ROBO2: variants seen among roughly 807,000 people sequenced by gnomAD.
ROBO2 encodes roundabout guidance receptor 2, also known as roundabout homolog 2.
In ROBO2, 53 loss-of-function variants were observed where a neutral mutation model predicts 160.8. That is an observed-to-expected ratio of 0.33 (90% CI 0.26 to 0.41). ROBO2 has a LOEUF of 0.41. Among genes scored for constraint, ROBO2 ranks in the 10% least tolerant of loss-of-function variants. ROBO2 has a pLI of 1.00. For synonymous variants in ROBO2, 664 were observed against 611.7 expected (o/e 1.09, Z -1.26); for missense variants, 1,577 against 1,722.4 (o/e 0.92, Z 1.49).
chr3:77,404,010 A>G (rs1419600951), intron 2 of ROBO2, among the ~76,000 whole-genome samples: 1 of 152,164 alleles, frequency 6.6e-6, no homozygotes, highest in Non-Finnish European at 1.5e-5. Context: ...ACCAGCATCC[A>G]GTTAAAGGTA....
At chr3:76,513,662 T>A (rs9809958) in intron 2 of ROBO2, among the ~76,000 whole-genome samples, 9,601 of 152,282 alleles carry the variant, frequency 0.063, 948 homozygotes, top group African/African-American at 0.21. Flanking sequence ...CATTATTTAA[T>A]TTTGTCTTAA....
chr3:75,978,940 C>T (rs2065204341), intron 2 of ROBO2, among the ~76,000 whole-genome samples: 1 of 151,362 alleles, frequency 6.6e-6, no homozygotes, highest in Non-Finnish European at 1.5e-5. Flanking sequence ...TCTCCCTCCA[C>T]CATGAGATCA....
chr3:76,740,873 A>G lies in ROBO2; in HGVS notation c.110-357141A>G, dbSNP rs563929268. ...TTTTAAAAGCTAATTAAATAACTGCATGAGCAAAAATAGTTATTCTGTTTT... is the reference window on the plus strand; with the variant it reads ...TTTTAAAAGCTAATTAAATAACTGCGTGAGCAAAAATAGTTATTCTGTTTT... On this transcript the variant is annotated intron_variant, in intron 2 of 26. Coordinates refer to the ROBO2 transcript ENST00000487694. Among the ~76,000 whole-genome samples the G allele has an allele frequency of 6.6e-4, 101 of 152,234 alleles. 1 individual carries two copies. Among genetic ancestry groups the G allele is most frequent in the Middle Eastern group, 6.8e-3 (2 of 294 alleles).
chr3:76,523,986 ATGTG>A (rs67480680), intron 2 of ROBO2, among the ~76,000 whole-genome samples: 56,425 of 149,314 alleles, frequency 0.38, 12,688 homozygotes, highest in Non-Finnish European at 0.51. Context: ...GTGTGTGTGT[ATGTG>A]TGTGTGTGTG....
intron 2 of ROBO2, among the ~76,000 whole-genome samples, chr3:76,664,573 C>A (rs2091951020): frequency 6.6e-6 from 1 of 152,108 alleles, no homozygotes; most frequent in Admixed American, 6.5e-5. Flanking sequence ...AAAACTTATA[C>A]CTTTGTTATG....
intron 2 of ROBO2, among the ~76,000 whole-genome samples, chr3:76,458,416 A>G (rs1352973897): frequency 6.6e-6 from 1 of 152,082 alleles, no homozygotes; most frequent in African/African-American, 2.4e-5. Flanking sequence ...CTCAGCCTGG[A>G]CCTTATTGTC....
At chr3:76,461,475 A>G (rs899567441) in intron 2 of ROBO2, among the ~76,000 whole-genome samples, 7 of 152,232 alleles carry the variant, frequency 4.6e-5, no homozygotes, top group African/African-American at 1.4e-4. Flanking sequence ...AAATTACTGT[A>G]TCACACAATG....
At chr3:77,344,497 G>T (rs2067414655) in intron 2 of ROBO2, among the ~76,000 whole-genome samples, 3 of 152,146 alleles carry the variant, frequency 2.0e-5, no homozygotes, top group Admixed American at 2.0e-4. Flanking sequence ...AAGCTCTCTA[G>T]TCCCTTCTAC....
intron 1 of ROBO2, among the ~76,000 whole-genome samples, chr3:77,080,013 T>A (rs2068465881): frequency 6.6e-6 from 1 of 152,208 alleles, no homozygotes; most frequent in African/African-American, 2.4e-5. Flanking sequence ...TCGCTCCGTG[T>A]TTGTGAACTG....
At chr3:77,513,441 G>A (rs1245895788) in intron 5 of ROBO2, among the ~76,000 whole-genome samples, 1 of 151,812 alleles carries the variant, frequency 6.6e-6, no homozygotes, top group African/African-American at 2.4e-5. Flanking sequence ...AGGTAGGAAA[G>A]CAGGTATGTT....
intron 2 of ROBO2, among the ~76,000 whole-genome samples, chr3:76,866,989 T>C (rs185146768): frequency 1.2e-3 from 178 of 152,268 alleles, no homozygotes; most frequent in African/African-American, 4.1e-3. Context: ...ACTTAGAATA[T>C]GCAGTGAACC....
In ROBO2 at chr3:76,907,291, C is replaced by T. The variant is rs114972860; in HGVS notation, c.110-190723C>T. Among the ~76,000 whole-genome samples the T allele has an allele frequency of 5.5e-3, 838 of 152,234 alleles. 7 individuals are homozygous for T. The highest frequency in any genetic ancestry group is 0.018 in the African/African-American group (766 of 41,552). ...CATCAATGTCCTTATTTGTTTAACACGTTAATTTTTAAGTTAATTGGATGC... is the reference window on the plus strand; with the variant it reads ...CATCAATGTCCTTATTTGTTTAACATGTTAATTTTTAAGTTAATTGGATGC... On this transcript the variant is annotated intron_variant, in intron 2 of 26. Transcript: ENST00000487694.
At chr3:76,215,582 A>C (rs1319713477) in intron 2 of ROBO2, among the ~76,000 whole-genome samples, 2 of 152,166 alleles carry the variant, frequency 1.3e-5, no homozygotes, top group Non-Finnish European at 2.9e-5. Flanking sequence ...GAAATGAATG[A>C]AATGAAGCGT....
intron 2 of ROBO2, among the ~76,000 whole-genome samples, chr3:76,251,265 A>T (rs1214255100): frequency 1.3e-5 from 2 of 149,854 alleles, no homozygotes; most frequent in Middle Eastern, 3.5e-3. Flanking sequence ...AAGTAAAAAG[A>T]AAAAAAAAAT....
intron 1 of ROBO2, among the ~76,000 whole-genome samples, chr3:77,068,312 A>G (rs1050961422): frequency 6.6e-6 from 1 of 152,156 alleles, no homozygotes; most frequent in African/African-American, 2.4e-5. Flanking sequence ...TTGAAAGGAA[A>G]TAAAACTAAG....
chr3:75,983,463 G>T (rs1277210431), intron 2 of ROBO2, among the ~76,000 whole-genome samples: 1 of 151,244 alleles, frequency 6.6e-6, no homozygotes, highest in Non-Finnish European at 1.5e-5. Context: ...TGTGGTGTAC[G>T]TTTCTCTTTA....
chr3:76,064,844 G>A (rs1241653865), intron 2 of ROBO2, among the ~76,000 whole-genome samples: 1 of 152,050 alleles, frequency 6.6e-6, no homozygotes, highest in Non-Finnish European at 1.5e-5. Flanking sequence ...AAAGGTGTAT[G>A]GCCTAATAAT....
chr3:76,059,501 G>GT (rs1339702283), intron 2 of ROBO2, among the ~76,000 whole-genome samples: 1 of 151,786 alleles, frequency 6.6e-6, no homozygotes, highest in Admixed American at 6.6e-5. Context: ...GGGGTTGTTT[G>GT]TTTTTTTCTT....
chr3:76,341,452 G>T (rs893783311), intron 2 of ROBO2, among the ~76,000 whole-genome samples: 3 of 138,650 alleles, frequency 2.2e-5, no homozygotes, highest in Admixed American at 7.2e-5. Context: ...GGAAAAATAT[G>T]TGTTTGAAGA....
Sources: allele counts gnomAD v4.1 joint callset (sites outside exome capture counted in the v4.1 genomes callset), GRCh38; gene constraint gnomAD v4.1.1; transcripts MANE v1.5; gene names NCBI Gene and HGNC (gene_info 2026-07-23, HGNC 2026-07-21).